Variants in ULK4 observed in about 807,000 individuals in gnomAD.
The protein encoded by ULK4 is unc-51 like kinase 4, also known as inactive serine/threonine-protein kinase ULK4.
ULK4 carries 133 observed loss-of-function variants against 160.6 expected under a neutral mutation model. That is an observed-to-expected ratio of 0.83 (90% CI 0.72 to 0.96). The LOEUF (loss-of-function observed/expected upper bound fraction) is 0.96. ULK4 is among the 40% of genes least tolerant of loss of function. The pLI is 0.00. For synonymous variants in ULK4, 534 were observed against 539.8 expected (o/e 0.99, Z 0.15); for missense variants, 1,580 against 1,499.5 (o/e 1.05, Z -0.89).
intron 35 of ULK4, among the ~76,000 whole-genome samples, chr3:41,260,867 G>A (rs1010642970): frequency 1.3e-4 from 20 of 152,184 alleles, no homozygotes; most frequent in Non-Finnish European, 2.8e-4. Flanking sequence ...TATGTGAGGC[G>A]GTCTGTCACC....
At chr3:41,848,076 C>T (rs1039716497) in intron 17 of ULK4, among the ~76,000 whole-genome samples, 3 of 152,186 alleles carry the variant, frequency 2.0e-5, no homozygotes, top group Non-Finnish European at 4.4e-5. Flanking sequence ...TGTTAATTGG[C>T]TAAATGCATT....
chr3:41,406,142 G>T (rs558827942), intron 34 of ULK4, among the ~76,000 whole-genome samples: 2 of 152,274 alleles, frequency 1.3e-5, no homozygotes, highest in African/African-American at 4.8e-5. Context: ...GCTAATTTTT[G>T]TATATGGCAA....
At chr3:41,880,840 T>C (rs1027672139) in intron 17 of ULK4, among the ~76,000 whole-genome samples, 1 of 152,022 alleles carries the variant, frequency 6.6e-6, no homozygotes, top group African/African-American at 2.4e-5. Context: ...TGAGAATCTC[T>C]TCAACCCGGG....
intron 19 of ULK4, among the ~76,000 whole-genome samples, chr3:41,818,947 C>A (rs962078046): frequency 3.3e-5 from 5 of 152,190 alleles, no homozygotes; most frequent in African/African-American, 1.2e-4. Context: ...TGTGAATAAA[C>A]TGAAAAATCA....
At chr3:41,311,140 G>C (rs1465087899) in intron 35 of ULK4, among the ~76,000 whole-genome samples, 1 of 152,168 alleles carries the variant, frequency 6.6e-6, no homozygotes, top group African/African-American at 2.4e-5. Flanking sequence ...CGTTATTCTA[G>C]ATGTTCAACA....
intron 32 of ULK4, among the ~76,000 whole-genome samples, chr3:41,560,981 T>A (rs2087544025): frequency 6.6e-6 from 1 of 152,230 alleles, no homozygotes; most frequent in African/African-American, 2.4e-5. Context: ...GCCCACTCAG[T>A]ATGATATTGG....
intron 27 of ULK4, among the ~76,000 whole-genome samples, chr3:41,702,726 C>T (rs892368403): frequency 2.0e-5 from 3 of 151,494 alleles, no homozygotes; most frequent in African/African-American, 4.9e-5. Context: ...ATACATAAAA[C>T]AAAAATTGTC....
chr3:41,787,686 G>A (rs1006952607), intron 21 of ULK4, among the ~76,000 whole-genome samples: 1 of 152,192 alleles, frequency 6.6e-6, no homozygotes, highest in Non-Finnish European at 1.5e-5. Flanking sequence ...CTACTGAACT[G>A]TACACTTCAA....
chr3:41,627,809 C>G (rs1398648168), intron 30 of ULK4, among the ~76,000 whole-genome samples: 1 of 152,118 alleles, frequency 6.6e-6, no homozygotes, highest in Admixed American at 6.5e-5. Flanking sequence ...CTAGCTAGCC[C>G]AAACTGGTGA....
At chr3:41,342,621 T>C (rs1014135921) in intron 35 of ULK4, among the ~76,000 whole-genome samples, 2 of 152,202 alleles carry the variant, frequency 1.3e-5, no homozygotes, top group African/African-American at 4.8e-5. Flanking sequence ...CTATTTCTAC[T>C]GAAACTATTC....
chr3:41,585,631 C>A (rs752194219), intron 31 of ULK4, among the ~76,000 whole-genome samples: 27 of 152,066 alleles, frequency 1.8e-4, no homozygotes, highest in Admixed American at 5.9e-4. Context: ...TTATATGACA[C>A]CAAAAGCACA....
chr3:41,807,254 T>C (rs1451407133), intron 19 of ULK4, among the ~76,000 whole-genome samples: 6 of 151,738 alleles, frequency 4.0e-5, no homozygotes, highest in Admixed American at 3.9e-4. Context: ...ACAAGAAAAA[T>C]ATATATGTAA....
chr3:41,656,628 C>T (rs1214988347), intron 30 of ULK4, among the ~76,000 whole-genome samples: 7 of 152,284 alleles, frequency 4.6e-5, no homozygotes, highest in Middle Eastern at 3.4e-3. Flanking sequence ...GAGAAGTCAA[C>T]TGAAGACAGG....
intron 29 of ULK4, among the ~76,000 whole-genome samples, chr3:41,674,793 T>C (rs2035653394): frequency 6.6e-6 from 1 of 152,186 alleles, no homozygotes; most frequent in South Asian, 2.1e-4. Context: ...AGAGGGATTC[T>C]GTAAGAAGAA....
chr3:41,507,887 T>G (rs189822277), intron 32 of ULK4, among the ~76,000 whole-genome samples: 2 of 152,248 alleles, frequency 1.3e-5, no homozygotes, highest in Admixed American at 6.5e-5. Context: ...TTGTGAACAT[T>G]TGCTCCAAGA....
In ULK4 at chr3:41,923,422, C is replaced by T. The variant is rs1699269476; in HGVS notation, c.542-3604G>A. On this transcript the variant is annotated intron_variant, in intron 5 of 36. Coordinates refer to ENST00000301831, the MANE Select transcript of ULK4 (RefSeq NM_017886.4). ...ACTGAGACCAGAGAATTGCTTGAAC[C>T]CGGAGACAGAGGTTGCAGTGAGCTG... Among the ~76,000 whole-genome samples the T allele has an allele frequency of 2.0e-5, 3 of 152,034 alleles. No homozygotes were observed. In the South Asian group the frequency reaches 6.2e-4, roughly 32 times the overall value.
intron 35 of ULK4, among the ~76,000 whole-genome samples, chr3:41,277,189 C>G (rs2079243151): frequency 6.6e-6 from 1 of 152,068 alleles, no homozygotes; most frequent in Admixed American, 6.6e-5. Context: ...GAATTGGTAC[C>G]AATCCTTTTG....
chr3:41,838,553 G>C (rs2041826085), intron 17 of ULK4, among the ~76,000 whole-genome samples: 1 of 151,758 alleles, frequency 6.6e-6, no homozygotes, highest in Non-Finnish European at 1.5e-5. Context: ...AAAATGTTCA[G>C]TAAACCACAG....
chr3:41,257,899 T>TA (rs1390371208), intron 35 of ULK4, among the ~76,000 whole-genome samples: 4 of 152,194 alleles, frequency 2.6e-5, no homozygotes, highest in South Asian at 2.1e-4. Context: ...GAGATATTAG[T>TA]AAAAAATAAA....
Sources: allele counts gnomAD v4.1 joint callset (sites outside exome capture counted in the v4.1 genomes callset), GRCh38; gene constraint gnomAD v4.1.1; transcripts MANE v1.5; gene names NCBI Gene and HGNC (gene_info 2026-07-23, HGNC 2026-07-21).